The following LRRC4B variants were observed in gnomAD, a reference collection of about 807,000 sequenced individuals.
LRRC4B encodes the protein leucine rich repeat containing 4B, also known as leucine-rich repeat-containing protein 4B.
Under a neutral mutation model 7.3 loss-of-function variants are expected in LRRC4B, and 1 was observed. The ratio of observed to expected loss-of-function variants is 0.14; its 90% confidence interval spans 0.05 to 0.65. The LOEUF is 0.65. Ranked by LOEUF, LRRC4B falls within the 30% of genes least tolerant of loss-of-function variation. LRRC4B has a pLI of 0.84. For missense variants in LRRC4B, 730 were observed against 1,041.6 expected, an observed-to-expected ratio of 0.70 and a Z score of 4.12; for synonymous variants, 500 against 499.2, an observed-to-expected ratio of 1.00 and a Z score of -0.02.
chr19:50,524,780 G>A (rs1042606426), intron 2 of LRRC4B, among the ~76,000 whole-genome samples: 20 of 152,276 alleles, frequency 1.3e-4, no homozygotes, highest in South Asian at 4.1e-4. Flanking sequence ...CACCCAGGGC[G>A]TCCAGGGCAC....
chr19:50,557,264 G>C (rs924768740), intron 1 of LRRC4B, among the ~76,000 whole-genome samples: 5 of 152,226 alleles, frequency 3.3e-5, no homozygotes, highest in Non-Finnish European at 7.3e-5. Flanking sequence ...AGAAGAGGAT[G>C]TGGGGCGGGA....
intron 1 of LRRC4B, 123 bp downstream of exon 1, chr19:50,567,821 C>T (rs10415908): frequency 0.58 from 47,310 of 81,050 alleles, 12,040 homozygotes; most frequent in African/African-American, 0.68. Flanking sequence ...CCTCTGCCAT[C>T]CCCCCCCATC....
rs547408208 is a variant in LRRC4B at position 50,531,294 on chromosome 19, G to A, written c.298-11879C>T. On this transcript the variant is annotated intron_variant, in intron 2 of 2. Transcript: ENST00000652263. The stretch of plus-strand genomic sequence containing the variant: ...AGTCAAGTGACTCAGCAGGGCTGCC[G>A]GTCCCGGGGAGCGTGCACCTGGGGC... Among the ~76,000 whole-genome samples, 38 of 152,350 alleles carry A rather than the reference G, an allele frequency of 2.5e-4. No individual in the cohort carries two copies. In the South Asian group the frequency reaches 7.7e-3, roughly 31 times the overall value.
At chr19:50,558,517 C>T (rs778020830) in intron 1 of LRRC4B, among the ~76,000 whole-genome samples, 3 of 152,222 alleles carry the variant, frequency 2.0e-5, no homozygotes, top group Non-Finnish European at 2.9e-5. Context: ...GCGTGAGCCA[C>T]GGCACCCGGC....
intron 1 of LRRC4B, among the ~76,000 whole-genome samples, chr19:50,554,956 G>A (rs1489887511): frequency 2.0e-5 from 3 of 152,166 alleles, no homozygotes; most frequent in Non-Finnish European, 4.4e-5. Context: ...TGGGGGGCAG[G>A]GTGCAGGCAA....
chr19:50,536,105 C>T (rs1030100686), intron 2 of LRRC4B, among the ~76,000 whole-genome samples: 2 of 151,130 alleles, frequency 1.3e-5, no homozygotes, highest in Admixed American at 6.6e-5. Flanking sequence ...CCCGCCAGCT[C>T]GTGCACGCTG....
rs545449911 is a variant in LRRC4B, at chr19:50,532,395, A to G, written c.298-12980T>C. The stretch of plus-strand genomic sequence containing the variant: ...TCCCCACTCCCAGCCTCCCATGGCT[A>G]TCACCCTCGACAAAGTGTCAGAGGC... On this transcript the variant is annotated intron_variant, in intron 2 of 2. Transcript: ENST00000652263. Among the ~76,000 whole-genome samples the G allele has an allele frequency of 2.0e-5, 3 of 152,278 alleles. No homozygotes were observed. The South Asian group carries it at 6.2e-4, about 32-fold the overall frequency.
chr19:50,550,723 G>C (rs1982018936), intron 1 of LRRC4B, among the ~76,000 whole-genome samples: 1 of 152,178 alleles, frequency 6.6e-6, no homozygotes, highest in South Asian at 2.1e-4. Flanking sequence ...GAAAGAGAGA[G>C]AGGTTGATTC....
chr19:50,523,454 G>C (rs371698917), intron 2 of LRRC4B, among the ~76,000 whole-genome samples: 4 of 149,310 alleles, frequency 2.7e-5, no homozygotes, highest in Admixed American at 1.4e-4. Flanking sequence ...GAGGCGGGCA[G>C]ATCAGTTGAG....
chr19:50,551,106 C>T (rs1021795962), intron 1 of LRRC4B: 3 of 149,296 alleles, frequency 2.0e-5, no homozygotes, highest in Admixed American at 1.3e-4. Context: ...TCTGCAGCGA[C>T]TCGGCCTCCC....
Position 50,526,138 on chromosome 19 carries a change from C to T in LRRC4B, c.298-6723G>A, listed in dbSNP as rs958855531. Among the ~76,000 whole-genome samples, 9 of 152,266 alleles carry T rather than the reference C, an allele frequency of 5.9e-5. No homozygotes were observed. In the East Asian group the frequency reaches 1.4e-3, roughly 23 times the overall value. On this transcript the variant is annotated intron_variant, in intron 2 of 2. Transcript: ENST00000652263. ...CCCAGCATAAGACTCTCCCATGCCC[C>T]GCTGTGCTGCCACCAAGGCGACAAT...
chr19:50,543,335 GGTGTGTGT>G (rs143123202), intron 2 of LRRC4B, among the ~76,000 whole-genome samples: 2 of 145,194 alleles, frequency 1.4e-5, no homozygotes, highest in African/African-American at 2.6e-5. Context: ...GCCAGGCCCT[GGTGTGTGT>G]GTGTGTGTGT....
chr19:50,534,932 G>T (rs951394034), intron 2 of LRRC4B, among the ~76,000 whole-genome samples: 4 of 152,002 alleles, frequency 2.6e-5, no homozygotes, highest in Non-Finnish European at 5.9e-5. Context: ...GGAGTGCAGC[G>T]ATCTCAGCTC....
chr19:50,546,761 G>C (rs537948294), intron 2 of LRRC4B, among the ~76,000 whole-genome samples: 1 of 152,270 alleles, frequency 6.6e-6, no homozygotes, highest in South Asian at 2.1e-4. Flanking sequence ...AAAGAGAAAC[G>C]GGTCCAGGTT....
intron 2 of LRRC4B, among the ~76,000 whole-genome samples, chr19:50,536,623 A>G (rs141672350): frequency 0.011 from 1,713 of 152,340 alleles, 19 homozygotes; most frequent in Non-Finnish European, 0.016. Context: ...GGGACAGCCC[A>G]TGCAGGGAGA....
chr19:50,538,559 GTTTTTTTTTTTTTTTT>G (rs71886675), intron 2 of LRRC4B, among the ~76,000 whole-genome samples: 7 of 90,324 alleles, frequency 7.7e-5, no homozygotes, highest in Admixed American at 6.2e-4. Flanking sequence ...GTTTTGTCTT[GTTTTTTTTTTTTTTTT>G]TTTTTTTTTT....
intron 2 of LRRC4B, among the ~76,000 whole-genome samples, chr19:50,536,384 C>T (rs1488976477): frequency 6.6e-6 from 1 of 152,162 alleles, no homozygotes; most frequent in Non-Finnish European, 1.5e-5. Flanking sequence ...GCACCCGCCT[C>T]AGCCTCCCGA....
chr19:50,532,241 AC>A (rs779646124), intron 2 of LRRC4B, among the ~76,000 whole-genome samples: 18 of 152,136 alleles, frequency 1.2e-4, no homozygotes, highest in Non-Finnish European at 1.9e-4. Flanking sequence ...CTCAACAAAA[AC>A]AAAAACAAAA....
At chr19:50,520,033 AAAAAT>A (rs911618245) in intron 2 of LRRC4B, among the ~76,000 whole-genome samples, 12 of 151,460 alleles carry the variant, frequency 7.9e-5, no homozygotes, top group Non-Finnish European at 1.5e-4. Context: ...CCATCTCTAC[AAAAAT>A]AAAATAAAAT....
Sources: gnomAD v4.1 joint callset for allele counts (sites outside exome capture counted in the v4.1 genomes callset) on GRCh38, gnomAD v4.1.1 for gene constraint, MANE v1.5 for transcripts, NCBI Gene and HGNC (gene_info 2026-07-23, HGNC 2026-07-21) for gene names.